The following GALNT16 variants were observed in gnomAD, a reference collection of about 807,000 sequenced individuals.
GALNT16 encodes the protein UDP-GalNAc:polypeptide N-acetylgalactosaminyltransferase-like protein 1.
Under a neutral mutation model 76.1 loss-of-function variants are expected in GALNT16, and 40 were observed. The ratio of observed to expected loss-of-function variants is 0.53; its 90% CI spans 0.41 to 0.68. GALNT16 has a LOEUF of 0.68. Among genes scored for constraint, GALNT16 ranks in the 30% least tolerant of loss-of-function variants. The pLI is 0.00. For synonymous variants in GALNT16, 276 were observed against 285.2 expected (o/e 0.97, Z 0.32); for missense variants, 621 against 731.9 (o/e 0.85, Z 1.75).
intron 1 of GALNT16, among the ~76,000 whole-genome samples, chr14:69,264,859 G>A (rs1040884976): frequency 3.4e-5 from 4 of 117,162 alleles, no homozygotes; most frequent in Non-Finnish European, 6.4e-5. Context: ...TGTCACCCAG[G>A]CTGGAGTGCA....
chr14:69,344,930 G>A (rs1349940526), intron 12 of GALNT16, among the ~76,000 whole-genome samples: 1 of 152,210 alleles, frequency 6.6e-6, no homozygotes, highest in African/African-American at 2.4e-5. Flanking sequence ...CATGGCAGGG[G>A]TTGCAAACTC....
At chr14:69,284,106 C>G (rs928377723) in intron 1 of GALNT16, among the ~76,000 whole-genome samples, 1 of 152,180 alleles carries the variant, frequency 6.6e-6, no homozygotes, top group East Asian at 1.9e-4. Flanking sequence ...AACTTTGACC[C>G]TCTCCTAAGA....
intron 11 of GALNT16, among the ~76,000 whole-genome samples, chr14:69,340,985 A>C (rs2140190970): frequency 6.6e-6 from 1 of 152,350 alleles, no homozygotes. Context: ...ATTTATTCAT[A>C]TCTATCTCCC....
At chr14:69,328,421 G>C in intron 5 of GALNT16, 29 bp from the exon 6 acceptor site, 1 of 1,608,026 alleles carries the variant, frequency 6.2e-7, no homozygotes, top group Middle Eastern at 1.7e-4. Context: ...CCCAGTCCCA[G>C]CGCCAAGCCC....
intron 14 of GALNT16, chr14:69,349,686 A>G (rs1442941292): frequency 1.3e-5 from 2 of 151,996 alleles, no homozygotes; most frequent in African/African-American, 2.4e-5. Flanking sequence ...CTCCTCACTT[A>G]TAAAATAAGG....
intron 11 of GALNT16, among the ~76,000 whole-genome samples, chr14:69,340,660 GT>G (rs1199858670): frequency 6.6e-6 from 1 of 151,914 alleles, no homozygotes; most frequent in African/African-American, 2.4e-5. Context: ...GATTTTTTGT[GT>G]TTTTAATAGA....
chr14:69,330,057 T>C (rs1427786264), intron 6 of GALNT16, among the ~76,000 whole-genome samples: 1 of 152,180 alleles, frequency 6.6e-6, no homozygotes, highest in African/African-American at 2.4e-5. Flanking sequence ...CATAAGTTAG[T>C]TAGCATATGA....
At chr14:69,361,484 C>G (rs1661860109), downstream of GALNT16, among the ~76,000 whole-genome samples, 1 of 152,218 alleles carries the variant, frequency 6.6e-6, no homozygotes, top group African/African-American at 2.4e-5. Flanking sequence ...TTGCCTTTCA[C>G]CCATCAGTCT....
At chr14:69,265,158 G>A (rs570407443) in intron 1 of GALNT16, among the ~76,000 whole-genome samples, 240 of 152,200 alleles carry the variant, frequency 1.6e-3, no homozygotes, top group African/African-American at 5.3e-3. Context: ...TGTCAATGGG[G>A]TCTGTTCCTG....
intron 1 of GALNT16, among the ~76,000 whole-genome samples, chr14:69,279,059 G>A (rs145001517): frequency 2.0e-5 from 3 of 151,858 alleles, no homozygotes; most frequent in African/African-American, 7.3e-5. Context: ...AGCCTCCCAA[G>A]TAGCTGGGAT....
chr14:69,264,058 A>T (rs984494633), intron 1 of GALNT16, among the ~76,000 whole-genome samples: 1 of 152,176 alleles, frequency 6.6e-6, no homozygotes, highest in Non-Finnish European at 1.5e-5. Context: ...TTTGGGACTT[A>T]GGTTTTCCAT....
chr14:69,339,433 T>A, intron 10 of GALNT16, 94 bp from the exon 11 acceptor site: 1 of 802,438 alleles, frequency 1.2e-6, no homozygotes, highest in Non-Finnish European at 2.2e-6. Flanking sequence ...GAGATTCTCA[T>A]CGTCCTGTAT....
chr14:69,314,406 A>G (rs1209552574), intron 1 of GALNT16, among the ~76,000 whole-genome samples: 2 of 152,282 alleles, frequency 1.3e-5, no homozygotes, highest in Non-Finnish European at 2.9e-5. Context: ...AGTCACTTCT[A>G]TAATTGCCAC....
the GALNT16 span, among the ~76,000 whole-genome samples, chr14:69,384,531 T>TGGG: frequency 6.6e-6 from 1 of 152,210 alleles, no homozygotes; most frequent in African/African-American, 2.4e-5. Context: ...TCCCACTTAC[T>TGGG]GGGAGTAAGT....
the GALNT16 span, among the ~76,000 whole-genome samples, chr14:69,382,690 TTA>T: frequency 1.3e-5 from 2 of 150,678 alleles, no homozygotes. Context: ...AATACAAAAA[TTA>T]GCTGGGCGTG....
At chr14:69,373,719 TTTTC>T in the GALNT16 span, among the ~76,000 whole-genome samples, 29 of 152,154 alleles carry the variant, frequency 1.9e-4, no homozygotes, top group African/African-American at 4.8e-4. Flanking sequence ...TTCTTTTCTT[TTTTC>T]TTTCTCTTCT....
At chr14:69,382,530 T>C in the GALNT16 span, among the ~76,000 whole-genome samples, 1 of 152,072 alleles carries the variant, frequency 6.6e-6, no homozygotes. Flanking sequence ...TGCATGCAAT[T>C]TTCCAACTCA....
intron 6 of GALNT16, among the ~76,000 whole-genome samples, chr14:69,329,124 G>A (rs748122285): frequency 2.6e-5 from 4 of 151,508 alleles, no homozygotes; most frequent in Admixed American, 1.3e-4. Flanking sequence ...TTGGGAGGCC[G>A]GGGAGGGCAG....
the GALNT16 span, among the ~76,000 whole-genome samples, chr14:69,381,977 C>T: frequency 6.6e-6 from 1 of 152,224 alleles, no homozygotes; most frequent in East Asian, 1.9e-4. Context: ...AGGCGTGAGC[C>T]ACCGCACCTG....
Sources: gnomAD v4.1 joint callset for allele counts (sites outside exome capture counted in the v4.1 genomes callset) on GRCh38, gnomAD v4.1.1 for gene constraint, MANE v1.5 for transcripts, NCBI Gene and HGNC (gene_info 2026-07-23, HGNC 2026-07-21) for gene names.